SPATA31A6: variants seen among roughly 807,000 people sequenced by gnomAD.
SPATA31A6 encodes spermatogenesis-associated protein 31A6.
A neutral mutation model predicts 11.9 loss-of-function variants in SPATA31A6; 9 were observed. The observed-to-expected ratio is 0.76, with a 90% CI of 0.46 to 1.32. The LOEUF (loss-of-function observed/expected upper bound fraction) is 1.32. Among genes scored for constraint, SPATA31A6 ranks in the 40% most tolerant of loss-of-function variants. The probability of loss-of-function intolerance (pLI) is 0.00; values close to 1 mark genes in which losing one functional copy is unlikely to be tolerated. For missense variants in SPATA31A6, 855 were observed against 1,467.3 expected (o/e 0.58, Z 6.82); for synonymous variants, 314 against 572.1 (o/e 0.55, Z 6.44).
Position 42,183,830 on chromosome 9 carries a change from A to G in SPATA31A6, c.143A>G (p.Tyr48Cys). 6.5e-7 allele frequency: 1 copy of G among 1,532,244 alleles called. No homozygotes were observed. Among genetic ancestry groups the G allele is most frequent in the Non-Finnish European group, 8.8e-7 (1 of 1,137,542 alleles). The allele number at this position is 1,532,244 out of a possible 1,614,324, so 94.9% of individuals were successfully genotyped here. A position where few individuals can be genotyped will look rare whatever the true frequency, so the allele number is the denominator to read the frequency against. The stretch of plus-strand genomic sequence containing the variant: ...TTCCTATTACTCCCCTACTTATCTT[A>G]CTTCCATTGTGATGACCCACCCTCA... ...FFFLLLPYLS[Y>C]FHCDDPPSPS... The change falls in exon 1 of 4, where the codon TAC becomes TGC. Residue 48 changes from tyrosine to cysteine, a missense_variant. Coordinates refer to ENST00000332857, the MANE Select transcript of SPATA31A6 (RefSeq NM_001145196.1).
At position 42,187,155 on chromosome 9, in the gene SPATA31A6, T is replaced by A. The variant is rs747992392; in HGVS notation, c.1453T>A (p.Phe485Ile). The part of the protein sequence containing the change: ...RQPFISSTPQ[F>I]LPTPMAQAEA... ...ACCCTTTATTTCATCCACACCCCAATTCCTGCCCACACCTATGGCTCAGGC... is the reference window on the plus strand; with the variant it reads ...ACCCTTTATTTCATCCACACCCCAAATCCTGCCCACACCTATGGCTCAGGC... Residue 485 changes from phenylalanine (F) to isoleucine (I), a missense_variant, in exon 4 of 4, where the codon TTC becomes ATC. By Grantham distance (21) the Phe-to-Ile change is conservative. Coordinates refer to ENST00000332857, the MANE Select transcript of SPATA31A6 (RefSeq NM_001145196.1). 6.5e-7 allele frequency: 1 copy of A among 1,542,922 alleles called. No individual in the cohort carries two copies. Among genetic ancestry groups the A allele is most frequent in the Non-Finnish European group, 8.8e-7 (1 of 1,137,824 alleles).
At position 42,186,845 on chromosome 9, in the gene SPATA31A6, C is replaced by T. The variant is rs762620487; in HGVS notation, c.1143C>T (p.Pro381=). ...AGCAGGACACCACAAACCCAAAACCCTTCTGGAACATGGGAGAGAACTCGA... is the reference window on the plus strand; with the variant it reads ...AGCAGGACACCACAAACCCAAAACCTTTCTGGAACATGGGAGAGAACTCGA... The part of the protein sequence containing the change: ...DAEQDTTNPK[P]FWNMGENSKQ... Residue 381 remains proline (P), a synonymous_variant, in exon 4 of 4, where the codon CCC becomes CCT. Coordinates refer to ENST00000332857, the MANE Select transcript of SPATA31A6 (RefSeq NM_001145196.1). 20 of 1,535,446 alleles carry T rather than the reference C, an allele frequency of 1.3e-5. 2 individuals carry two copies. The highest frequency in any genetic ancestry group is 1.6e-5 in the Non-Finnish European group (18 of 1,142,274).
Position 42,188,981 on chromosome 9 carries a change from C to G in SPATA31A6, c.3279C>G (p.Cys1093Trp). Residue 1093 changes from cysteine to tryptophan, a missense_variant, in exon 4 of 4, where the codon TGC (cysteine) becomes TGG (tryptophan). Coordinates refer to ENST00000332857, the MANE Select transcript of SPATA31A6 (RefSeq NM_001145196.1). ...EPRNPNCQGS[C>W]KSQRPMFPPI... ...GAAACCCAAACTGTCAAGGCTCATG[C>G]AAGAGCCAAAGGCCAATGTTTCCCC... 6.5e-7 allele frequency: 1 copy of G among 1,548,182 alleles called. No individual in the cohort carries two copies.
At chr9:42,184,772 C>G (rs1166391848) in intron 1 of SPATA31A6, among the ~76,000 whole-genome samples, 1 of 136,914 alleles carries the variant, frequency 7.3e-6, no homozygotes, top group African/African-American at 3.0e-5. Flanking sequence ...AGGTGATCAA[C>G]CCACCTTGGC....
At chr9:42,184,232 G>A (rs1206602491) in intron 1 of SPATA31A6, among the ~76,000 whole-genome samples, 1 of 136,028 alleles carries the variant, frequency 7.4e-6, no homozygotes, top group Non-Finnish European at 1.6e-5. Context: ...GTGGCTCAGG[G>A]CCCAGCCTCC....
chr9:42,184,827 C>A (rs1305609686), intron 1 of SPATA31A6, among the ~76,000 whole-genome samples: 1 of 137,684 alleles, frequency 7.3e-6, no homozygotes, highest in Non-Finnish European at 1.5e-5. Context: ...CACGCCCAGC[C>A]CCCTCTTGCT....
In SPATA31A6 at chr9:42,183,671, G is replaced by T. The variant is rs772615883; in HGVS notation, c.-17G>T. The stretch of plus-strand genomic sequence containing the variant: ...ATGCCCAGAGCTCAGTTGCTTGAAA[G>T]CAACGTGCCTATTCACATGGAGAAT... On this transcript the variant is annotated 5_prime_UTR_variant, in exon 1 of 4. Transcript: ENST00000332857. 2 of 1,526,772 alleles carry T rather than the reference G, an allele frequency of 1.3e-6. 1 individual carries two copies. Among genetic ancestry groups the T allele is most frequent in the African/African-American group, 3.3e-5 (2 of 61,106 alleles). The allele number at this position is 1,526,772 out of a possible 1,614,324, so 94.6% of individuals were successfully genotyped here.
intron 1 of SPATA31A6, among the ~76,000 whole-genome samples, 199 bp downstream of exon 1, chr9:42,184,075 A>C (rs191509580): frequency 0.015 from 2,004 of 130,424 alleles, 198 homozygotes; most frequent in Middle Eastern, 0.029. Context: ...CCATCCCAAG[A>C]TCTCAGTCCA....
chr9:42,187,251 A>G lies in SPATA31A6; in HGVS notation c.1549A>G (p.Thr517Ala), dbSNP rs1168174575. Residue 517 changes from threonine (T) to alanine (A), a missense_variant, in exon 4 of 4, where the codon ACT (threonine) becomes GCT (alanine). Transcript: ENST00000332857. ...SPAFPSLIKN[T>A]GVACPASQNK... Reference sequence around the variant, plus strand: ...TGCTTTTCCATCCCTGATTAAGAACACTGGAGTAGCTTGCCCTGCATCGCA... The same window carrying G: ...TGCTTTTCCATCCCTGATTAAGAACGCTGGAGTAGCTTGCCCTGCATCGCA... 67 of 1,542,490 alleles carry G rather than the reference A, an allele frequency of 4.3e-5. 3 individuals carry two copies. The highest frequency in any genetic ancestry group is 5.8e-5 in the Non-Finnish European group (66 of 1,138,028).
At position 42,189,287 on chromosome 9, in the gene SPATA31A6, G is replaced by T; in HGVS notation, c.3585G>T (p.Val1195=). 7 of 1,560,220 alleles carry T rather than the reference G, an allele frequency of 4.5e-6. No homozygotes were observed. The highest frequency in any genetic ancestry group is 6.1e-6 in the Non-Finnish European group (7 of 1,150,272). The change falls in exon 4 of 4, where the codon GTG becomes GTT. Residue 1195 remains valine, a synonymous_variant. Transcript: ENST00000332857. ...SQKTVKNRSC[V]YSSSAEAQGL... ...AAACAGTAAAAAACAGATCATGTGT[G>T]TACAGCAGCAGTGCTGAAGCTCAGG...
Position 42,187,132 on chromosome 9 carries a change from C to T in SPATA31A6, c.1430C>T (p.Pro477Leu), listed in dbSNP as rs761081246. The T allele has an allele frequency of 2.5e-5, 39 of 1,542,356 alleles. 7 individuals are homozygous for T. In the South Asian group the frequency reaches 2.9e-4, roughly 11 times the overall value. Residue 477 changes from proline to leucine, a missense_variant, in exon 4 of 4, where the codon CCC (proline) becomes CTC (leucine). Pro to Leu is a moderately conservative substitution (Grantham distance 98). Coordinates refer to ENST00000332857, the MANE Select transcript of SPATA31A6 (RefSeq NM_001145196.1). ...FQAQPLSHRQPFISSTPQFLP... is the reference protein window; with the variant it reads ...FQAQPLSHRQLFISSTPQFLP... ...GCCCAGCCCCTGTCCCACCGCCAAC[C>T]CTTTATTTCATCCACACCCCAATTC...
Position 42,186,961 on chromosome 9 carries a change from C to T in SPATA31A6, c.1259C>T (p.Pro420Leu), listed in dbSNP as rs11261835. Residue 420 changes from proline to leucine, a missense_variant, in exon 4 of 4, where the codon CCC becomes CTC. Transcript: ENST00000332857. Reference sequence around the variant, plus strand: ...TATAGCCAGCTTTTCTGGGGCCTCCCCTCTCTGCACAGCGAGTCCCTGGTG... The same window carrying T: ...TATAGCCAGCTTTTCTGGGGCCTCCTCTCTCTGCACAGCGAGTCCCTGGTG... ...KNYSQLFWGL[P>L]SLHSESLVAN... is the part of the protein sequence containing the mutation. 0.45 allele frequency: 686,605 copies of T among 1,540,828 alleles called. 191,325 individuals carry two copies. The highest frequency in any genetic ancestry group is 0.66 in the East Asian group (27,748 of 41,866).
rs751626420 is a variant in SPATA31A6, at chr9:42,186,964, C to G, written c.1262C>G (p.Ser421Cys). Residue 421 changes from serine to cysteine, a missense_variant, in exon 4 of 4, where the codon TCT becomes TGT. Coordinates refer to ENST00000332857, the MANE Select transcript of SPATA31A6 (RefSeq NM_001145196.1). ...AGCCAGCTTTTCTGGGGCCTCCCCT[C>G]TCTGCACAGCGAGTCCCTGGTGGCT... Reference protein sequence around the residue: ...NYSQLFWGLPSLHSESLVANA... With the variant: ...NYSQLFWGLPCLHSESLVANA... 9.7e-6 allele frequency: 15 copies of G among 1,544,466 alleles called. 3 individuals are homozygous for G. The African/African-American group carries it at 2.2e-4, about 22-fold the overall frequency.
chr9:42,184,439 C>CTGTG (rs71364261), intron 1 of SPATA31A6, among the ~76,000 whole-genome samples: 5,098 of 101,978 alleles, frequency 0.05, 483 homozygotes, highest in African/African-American at 0.075. Context: ...GAAAATCCCT[C>CTGTG]TGTGTGTGTG....
Position 42,187,127 on chromosome 9 carries a change from C to T in SPATA31A6, c.1425C>T (p.Arg475=), listed in dbSNP as rs764408380. 1.3e-6 allele frequency: 2 copies of T among 1,540,190 alleles called. No individual in the cohort carries two copies. Among genetic ancestry groups the T allele is most frequent in the South Asian group, 1.2e-5 (1 of 85,314 alleles). The change falls in exon 4 of 4, where the codon CGC becomes CGT. Residue 475 remains arginine (R), a synonymous_variant. Coordinates refer to ENST00000332857, the MANE Select transcript of SPATA31A6 (RefSeq NM_001145196.1). ...LLFQAQPLSH[R]QPFISSTPQF... is the part of the protein sequence containing the mutation. Reference sequence around the variant, plus strand: ...TCCAGGCCCAGCCCCTGTCCCACCGCCAACCCTTTATTTCATCCACACCCC... The same window carrying T: ...TCCAGGCCCAGCCCCTGTCCCACCGTCAACCCTTTATTTCATCCACACCCC...
chr9:42,189,235 C>T lies in SPATA31A6; in HGVS notation c.3533C>T (p.Pro1178Leu). The T allele has an allele frequency of 6.5e-7, 1 of 1,548,548 alleles. No homozygotes were observed. Among genetic ancestry groups the T allele is most frequent in the Non-Finnish European group, 8.8e-7 (1 of 1,141,506 alleles). Reference protein sequence around the residue: ...QWIFSKKKSKPAPVTAESQKT... With the variant: ...QWIFSKKKSKLAPVTAESQKT... Reference sequence around the variant, plus strand: ...ATTTTTTCAAAGAAAAAAAGCAAGCCAGCACCAGTCACTGCTGAGAGCCAA... The same window carrying T: ...ATTTTTTCAAAGAAAAAAAGCAAGCTAGCACCAGTCACTGCTGAGAGCCAA... Residue 1178 changes from proline to leucine, a missense_variant, in exon 4 of 4, where the codon CCA becomes CTA. Transcript: ENST00000332857.
intron 1 of SPATA31A6, among the ~76,000 whole-genome samples, chr9:42,184,249 T>G (rs1829400535): frequency 1.5e-5 from 2 of 134,206 alleles, no homozygotes; most frequent in African/African-American, 3.0e-5. Context: ...CTCCCCTGTG[T>G]GGGGTGATCT....
rs1385898122 is a variant in SPATA31A6, at chr9:42,184,193, C to T, written c.189+317C>T. On this transcript the variant is annotated intron_variant, in intron 1 of 3. Coordinates refer to ENST00000332857, the MANE Select transcript of SPATA31A6 (RefSeq NM_001145196.1). Reference sequence around the variant, plus strand: ...CTCTGTCCGAGACCAGGCCCTGAGCCCTGGCTCATCAGCCCCTTTCTGGGG... The same window carrying T: ...CTCTGTCCGAGACCAGGCCCTGAGCTCTGGCTCATCAGCCCCTTTCTGGGG... 2.2e-5 allele frequency among the ~76,000 whole-genome samples: 3 copies of T among 137,568 alleles called. 1 individual carries two copies. Among genetic ancestry groups the T allele is most frequent in the Admixed American group, 7.2e-5 (1 of 13,924 alleles). 90.2% of individuals were successfully genotyped at this position (137,568 alleles called of 152,430 possible).
intron 1 of SPATA31A6, among the ~76,000 whole-genome samples, chr9:42,184,415 G>T (rs1482729123): frequency 7.7e-6 from 1 of 130,570 alleles, no homozygotes; most frequent in Non-Finnish European, 1.6e-5. Context: ...GGTGTCCGTG[G>T]TGGACCTCAT....
Sources: allele counts gnomAD v4.1 joint callset (sites outside exome capture counted in the v4.1 genomes callset), GRCh38; gene constraint gnomAD v4.1.1; transcripts MANE v1.5; gene names NCBI Gene and HGNC (gene_info 2026-07-23, HGNC 2026-07-21).